The following NTRK2 variants were observed in gnomAD, a reference collection of about 807,000 sequenced individuals.
The protein encoded by NTRK2 is BDNF/NT-3 growth factors receptor.
In NTRK2, 13 loss-of-function variants were observed where a neutral mutation model predicts 94.5. The observed-to-expected ratio is 0.14, with a 90% CI of 0.09 to 0.22. The LOEUF (loss-of-function observed/expected upper bound fraction) is 0.22, where lower values mean the gene tolerates loss of function less well. Among genes scored for constraint, NTRK2 ranks in the 10% least tolerant of loss-of-function variants. NTRK2 has a pLI of 1.00. For missense variants in NTRK2, 639 were observed against 1,071.2 expected (o/e 0.60, Z 5.63); for synonymous variants, 372 against 407.4 (o/e 0.91, Z 1.05).
intron 14 of NTRK2, 124 bp downstream of exon 14, chr9:84,867,555 T>C (rs1337213903): frequency 2.3e-6 from 2 of 871,608 alleles, no homozygotes; most frequent in Non-Finnish European, 1.9e-6. Flanking sequence ...GTTTGAGGAT[T>C]CTTGCAGCTT....
intron 12 of NTRK2, among the ~76,000 whole-genome samples, chr9:84,755,525 C>CTTTTTTTTTTTTT (rs745611460): frequency 1.6e-5 from 1 of 60,656 alleles, no homozygotes; most frequent in African/African-American, 7.0e-5. Context: ...AGTCCCACCT[C>CTTTTTTTTTTTTT]TTTTTTTTTT....
chr9:85,000,481 A>G (rs979585775), intron 17 of NTRK2, among the ~76,000 whole-genome samples: 2 of 152,088 alleles, frequency 1.3e-5, no homozygotes, highest in Non-Finnish European at 2.9e-5. Context: ...ATGTCATGCA[A>G]TTGGAATCAT....
At chr9:84,793,509 C>T (rs2068948345) in intron 12 of NTRK2, among the ~76,000 whole-genome samples, 1 of 152,148 alleles carries the variant, frequency 6.6e-6, no homozygotes, top group Non-Finnish European at 1.5e-5. Flanking sequence ...GGAATCTTCC[C>T]AACCGAGTCC....
At chr9:84,837,888 T>C (rs1225859498) in intron 12 of NTRK2, among the ~76,000 whole-genome samples, 1 of 152,216 alleles carries the variant, frequency 6.6e-6, no homozygotes, top group East Asian at 1.9e-4. Context: ...AATTTTCCCA[T>C]TAATATCTGA....
chr9:84,704,759 T>C (rs150087268), intron 4 of NTRK2, among the ~76,000 whole-genome samples: 76 of 152,350 alleles, frequency 5.0e-4, no homozygotes, highest in African/African-American at 1.8e-3. Flanking sequence ...CAGGCAGTTA[T>C]GAAGAGGTCA....
intron 12 of NTRK2, among the ~76,000 whole-genome samples, chr9:84,856,910 G>C (rs1294704650): frequency 1.3e-5 from 2 of 152,136 alleles, no homozygotes; most frequent in African/African-American, 4.8e-5. Context: ...TCCAGAAGCT[G>C]TTCTCTCTTG....
At chr9:84,814,601 C>T (rs2072183417) in intron 12 of NTRK2, 2 of 1,065,762 alleles carry the variant, frequency 1.9e-6, no homozygotes, top group African/African-American at 3.3e-5. Flanking sequence ...TGCTTTCTTC[C>T]TTTGCATGAT....
At chr9:84,945,029 C>T (rs889805276) in intron 15 of NTRK2, among the ~76,000 whole-genome samples, 1 of 152,150 alleles carries the variant, frequency 6.6e-6, no homozygotes, top group Non-Finnish European at 1.5e-5. Context: ...GAACCCCTTC[C>T]GTTTGAGCAC....
chr9:85,026,341 T>C lies in NTRK2; in HGVS notation c.*4904T>C, dbSNP rs1470683666. On this transcript the variant is annotated 3_prime_UTR_variant, in exon 19 of 19. Transcript: ENST00000277120. The stretch of plus-strand genomic sequence containing the variant: ...TCTTTAGTCTATGCATTAATGAAAA[T>C]GATCCTGAGTGGAGGTTAGCTGAAC... 4.3e-6 allele frequency: 1 copy of C among 231,556 alleles called. No individual in the cohort carries two copies. The highest frequency in any genetic ancestry group is 8.5e-6 in the Non-Finnish European group (1 of 117,114). The allele number at this position is 231,556 out of a possible 1,614,324, so 14.3% of individuals were successfully genotyped here.
At chr9:84,813,198 A>G (rs188996165) in intron 12 of NTRK2, 28 of 1,049,274 alleles carry the variant, frequency 2.7e-5, no homozygotes, top group Non-Finnish European at 3.2e-5. Context: ...CTCCTAAATG[A>G]ACAGAATGAT....
intron 12 of NTRK2, among the ~76,000 whole-genome samples, chr9:84,817,611 T>C (rs1433869510): frequency 6.6e-6 from 1 of 152,240 alleles, no homozygotes; most frequent in Non-Finnish European, 1.5e-5. Context: ...TTTCTTTTTA[T>C]CATTTCAACA....
chr9:84,800,571 T>G (rs1224826642), intron 12 of NTRK2, among the ~76,000 whole-genome samples: 1 of 152,186 alleles, frequency 6.6e-6, no homozygotes, highest in Non-Finnish European at 1.5e-5. Context: ...AATTCCACAA[T>G]AAAGGATAGA....
chr9:84,999,217 G>A (rs1830083498), intron 17 of NTRK2, among the ~76,000 whole-genome samples: 1 of 152,058 alleles, frequency 6.6e-6, no homozygotes, highest in Non-Finnish European at 1.5e-5. Context: ...CCCCAAATTA[G>A]AGTTTTCTCT....
intron 6 of NTRK2, 33 bp downstream of exon 6, chr9:84,710,824 G>A (rs768125886): frequency 2.5e-6 from 4 of 1,610,552 alleles, no homozygotes; most frequent in Non-Finnish European, 3.4e-6. Flanking sequence ...TGTTCTAGTT[G>A]CTATTAATTA....
chr9:84,988,221 C>G, intron 17 of NTRK2, among the ~76,000 whole-genome samples: 1 of 152,146 alleles, frequency 6.6e-6, no homozygotes, highest in East Asian at 1.9e-4. Context: ...CCACGCCAAC[C>G]AGAGGCAGAG....
intron 15 of NTRK2, among the ~76,000 whole-genome samples, chr9:84,942,530 T>A (rs903760188): frequency 7.2e-5 from 11 of 152,168 alleles, no homozygotes; most frequent in Admixed American, 7.2e-4. Flanking sequence ...GGAGGTGGCT[T>A]TTATAGAACA....
At chr9:84,942,202 C>A (rs1023519255) in intron 15 of NTRK2, among the ~76,000 whole-genome samples, 2 of 152,116 alleles carry the variant, frequency 1.3e-5, no homozygotes, top group African/African-American at 4.8e-5. Context: ...GGGAAGCTAC[C>A]TATTGCACTC....
At chr9:84,967,974 A>G (rs1256761324) in intron 17 of NTRK2, among the ~76,000 whole-genome samples, 1 of 152,166 alleles carries the variant, frequency 6.6e-6, no homozygotes, top group Non-Finnish European at 1.5e-5. Flanking sequence ...TGGAAAACTC[A>G]TTAGACTTCA....
At chr9:84,682,951 G>A (rs2059484506) in intron 2 of NTRK2, among the ~76,000 whole-genome samples, 2 of 152,276 alleles carry the variant, frequency 1.3e-5, no homozygotes, top group South Asian at 2.1e-4. Flanking sequence ...AAGTTCTTGT[G>A]TGTACCTTCT....
Sources: allele counts gnomAD v4.1 joint callset (sites outside exome capture counted in the v4.1 genomes callset), GRCh38; gene constraint gnomAD v4.1.1; transcripts MANE v1.5; gene names NCBI Gene and HGNC (gene_info 2026-07-23, HGNC 2026-07-21).